Variants in LAPTM4B observed in about 807,000 individuals in gnomAD.
LAPTM4B encodes lysosomal protein transmembrane 4 beta.
In LAPTM4B, 26 loss-of-function variants were observed where a neutral mutation model predicts 28.5. The ratio of observed to expected loss-of-function variants is 0.91; its 90% CI spans 0.67 to 1.27. The LOEUF (loss-of-function observed/expected upper bound fraction) is 1.27. Among genes scored for constraint, LAPTM4B ranks in the 50% most tolerant of loss-of-function variants. The probability of loss-of-function intolerance (pLI) is 0.00; values close to 1 mark genes in which losing one functional copy is unlikely to be tolerated. For missense variants in LAPTM4B, 288 were observed against 285.8 expected, an observed-to-expected ratio of 1.01 and a Z score of -0.06; for synonymous variants, 109 against 106.4, an observed-to-expected ratio of 1.02 and a Z score of -0.15.
intron 1 of LAPTM4B, among the ~76,000 whole-genome samples, chr8:97,804,792 A>ACTGGCCTGGCCTGGCCTGGCCTGGC (rs370311995): frequency 6.6e-6 from 1 of 151,918 alleles, no homozygotes; most frequent in African/African-American, 2.4e-5. Context: ...AGACAGGACT[A>ACTGGCCTGGCCTGGCCTGGCCTGGC]CTGGCCTGGC....
intron 2 of LAPTM4B, among the ~76,000 whole-genome samples, chr8:97,814,767 C>T (rs1166205484): frequency 1.3e-5 from 2 of 151,832 alleles, no homozygotes; most frequent in African/African-American, 4.8e-5. Flanking sequence ...GATCTCGGCT[C>T]ACTGCAAGCT....
rs1817226479 is a variant in LAPTM4B, at chr8:97,834,158, A to AAAAAAAAAAAAAAAAAAAAAAAAAAT, written c.603+9005_603+9006insAAAAAAAAAAAAAAAAAAAAAAAAAT. Among the ~76,000 whole-genome samples the AAAAAAAAAAAAAAAAAAAAAAAAAAT allele has an allele frequency of 1.3e-5, 2 of 150,000 alleles. 1 individual carries two copies. Among genetic ancestry groups the AAAAAAAAAAAAAAAAAAAAAAAAAAT allele is most frequent in the Admixed American group, 1.3e-4 (2 of 15,040 alleles). On this transcript the variant is annotated intron_variant, in intron 6 of 6. Transcript: ENST00000521545. ...CTGTCTCTACAGAAAAAAAAAAAAA[A>AAAAAAAAAAAAAAAAAAAAAAAAAAT]TCCAGGTGGCATGTGCCTGTAGTTC...
chr8:97,844,234 A>T (rs904599378), intron 6 of LAPTM4B, among the ~76,000 whole-genome samples: 1 of 152,052 alleles, frequency 6.6e-6, no homozygotes, highest in Non-Finnish European at 1.5e-5. Context: ...CTGGGATTAC[A>T]TGCACGTACC....
intron 2 of LAPTM4B, among the ~76,000 whole-genome samples, chr8:97,808,405 G>A (rs1306341224): frequency 2.6e-5 from 4 of 151,752 alleles, no homozygotes; most frequent in Admixed American, 1.3e-4. Flanking sequence ...CCGAGATCGC[G>A]CCATTGCACT....
chr8:97,789,420 G>A (rs1309164245), intron 1 of LAPTM4B, among the ~76,000 whole-genome samples: 1 of 151,954 alleles, frequency 6.6e-6, no homozygotes, highest in Non-Finnish European at 1.5e-5. Flanking sequence ...GAGCGCAGTG[G>A]TGTGACCATG....
At chr8:97,822,452 T>G (rs117541453) in intron 5 of LAPTM4B, among the ~76,000 whole-genome samples, 6,533 of 152,050 alleles carry the variant, frequency 0.043, 187 homozygotes, top group Admixed American at 0.079. Context: ...ACATTTTCAC[T>G]TGTACTTATT....
chr8:97,797,259 C>T (rs879604448), intron 1 of LAPTM4B, among the ~76,000 whole-genome samples: 7 of 151,848 alleles, frequency 4.6e-5, no homozygotes, highest in Non-Finnish European at 8.8e-5. Flanking sequence ...CTCAGCCTTC[C>T]GAGTAGCTGG....
rs565964785 is a variant in LAPTM4B at position 97,810,739 on chromosome 8, A to G, written c.212-4589A>G. On this transcript the variant is annotated intron_variant, in intron 2 of 6. Coordinates refer to ENST00000521545, the MANE Select transcript of LAPTM4B (RefSeq NM_018407.6). ...TGTACTATGCATAATATGAAACAGG[A>G]GTTCATCCATATTTCTAATTAATTT... is the stretch of plus-strand genomic sequence containing the variant. 4.6e-5 allele frequency among the ~76,000 whole-genome samples: 7 copies of G among 152,342 alleles called. No individual in the cohort carries two copies. The East Asian group carries it at 1.4e-3, about 29-fold the overall frequency.
Position 97,827,506 on chromosome 8 carries a change from A to C in LAPTM4B, c.603+2353A>C, listed in dbSNP as rs117316647. Among the ~76,000 whole-genome samples, 22 of 152,286 alleles carry C rather than the reference A, an allele frequency of 1.4e-4. No individual in the cohort carries two copies. In the East Asian group the frequency reaches 3.9e-3, roughly 27 times the overall value. On this transcript the variant is annotated intron_variant, in intron 6 of 6. Transcript: ENST00000521545. The stretch of plus-strand genomic sequence containing the variant: ...TTATAATAAGCCAGTAAACCTCAGT[A>C]AGTGTTTCTGAGTCCAAAATGTTAT...
At chr8:97,850,134 AGTG>A (rs1185806408) in intron 6 of LAPTM4B, among the ~76,000 whole-genome samples, 1 of 151,720 alleles carries the variant, frequency 6.6e-6, no homozygotes, top group Non-Finnish European at 1.5e-5. Flanking sequence ...CTTATCCATT[AGTG>A]CTCTTTCCCC....
chr8:97,826,437 TA>T (rs1284719315), intron 6 of LAPTM4B, among the ~76,000 whole-genome samples: 1 of 152,234 alleles, frequency 6.6e-6, no homozygotes, highest in African/African-American at 2.4e-5. Context: ...AAGAAATATC[TA>T]TTCAAAATTT....
chr8:97,805,341 T>TTTTTTTTTTATTTTTTTAA lies in LAPTM4B; in HGVS notation c.100-11_100-10insTTTTTTTTATTTTTTTAAT. The TTTTTTTTTTATTTTTTTAA allele has an allele frequency of 7.4e-7, 1 of 1,348,536 alleles. No individual in the cohort carries two copies. Among genetic ancestry groups the TTTTTTTTTTATTTTTTTAA allele is most frequent in the South Asian group, 1.3e-5 (1 of 79,522 alleles). 83.5% of individuals were successfully genotyped at this position (1,348,536 alleles called of 1,614,324 possible). A position where few individuals can be genotyped will look rare whatever the true frequency, so the allele number is the denominator to read the frequency against. Reference sequence around the variant, plus strand: ...CTTAAATTCTTTTTTTTTTTTTTTTTTCTTGTTGCAGATCATCAATGCTGT... The same window carrying TTTTTTTTTTATTTTTTTAA: ...CTTAAATTCTTTTTTTTTTTTTTTTTTTTTTTTTTATTTTTTTAATCTTGTTGCAGATCATCAATGCTGT... On this transcript the variant is annotated splice_polypyrimidine_tract_variant and intron_variant, in intron 1 of 6. Coordinates refer to ENST00000521545, the MANE Select transcript of LAPTM4B (RefSeq NM_018407.6).
At chr8:97,831,112 C>T (rs1325019566) in intron 6 of LAPTM4B, among the ~76,000 whole-genome samples, 1 of 152,148 alleles carries the variant, frequency 6.6e-6, no homozygotes, top group African/African-American at 2.4e-5. Context: ...GCCTTTTCTA[C>T]TTTTCCTGAG....
At chr8:97,812,202 A>AT (rs1163406588) in intron 2 of LAPTM4B, among the ~76,000 whole-genome samples, 4 of 109,180 alleles carry the variant, frequency 3.7e-5, no homozygotes, top group Non-Finnish European at 5.6e-5. Context: ...TAAATTAATT[A>AT]TTTGTTTTTT....
intron 2 of LAPTM4B, among the ~76,000 whole-genome samples, chr8:97,813,831 A>G (rs966918123): frequency 6.6e-6 from 1 of 152,232 alleles, no homozygotes; most frequent in African/African-American, 2.4e-5. Flanking sequence ...CAAAGCTTTT[A>G]GAGAAGTTGC....
At chr8:97,830,198 G>C (rs1817159785) in intron 6 of LAPTM4B, among the ~76,000 whole-genome samples, 1 of 152,156 alleles carries the variant, frequency 6.6e-6, no homozygotes, top group Non-Finnish European at 1.5e-5. Context: ...GGTGAGGAGA[G>C]AGTGGGTGGG....
Position 97,842,579 on chromosome 8 carries a change from C to T in LAPTM4B, c.604-8818C>T, listed in dbSNP as rs969360850. ...TGTTGCCCAGGCTGGAGTGCACTGGCGCGATCTCAGCTCACTACAAGCTCC... is the reference window on the plus strand; with the variant it reads ...TGTTGCCCAGGCTGGAGTGCACTGGTGCGATCTCAGCTCACTACAAGCTCC... On this transcript the variant is annotated intron_variant, in intron 6 of 6. Coordinates refer to ENST00000521545, the MANE Select transcript of LAPTM4B (RefSeq NM_018407.6). Among the ~76,000 whole-genome samples, 8 of 151,652 alleles carry T rather than the reference C, an allele frequency of 5.3e-5. No individual in the cohort carries two copies. The East Asian group carries it at 5.9e-4, about 11-fold the overall frequency.
chr8:97,787,888 G>A (rs969032923), intron 1 of LAPTM4B, among the ~76,000 whole-genome samples: 7 of 151,836 alleles, frequency 4.6e-5, no homozygotes, highest in Admixed American at 1.3e-4. Context: ...GCTGGAGAGC[G>A]CACTGGCATG....
At chr8:97,809,804 T>C (rs1414413365) in intron 2 of LAPTM4B, among the ~76,000 whole-genome samples, 1 of 152,228 alleles carries the variant, frequency 6.6e-6, no homozygotes, top group East Asian at 1.9e-4. Context: ...AGCAGAACTC[T>C]TTCTCACTTT....
Sources: allele counts gnomAD v4.1 joint callset (sites outside exome capture counted in the v4.1 genomes callset), GRCh38; gene constraint gnomAD v4.1.1; transcripts MANE v1.5; gene names NCBI Gene and HGNC (gene_info 2026-07-23, HGNC 2026-07-21).